Variants in RABGAP1L observed in about 807,000 individuals in gnomAD.
RABGAP1L encodes rab GTPase-activating protein 1-like.
A neutral mutation model predicts 137.7 loss-of-function variants in RABGAP1L; 63 were observed. The observed-to-expected ratio is 0.46, with a 90% CI of 0.37 to 0.56. The LOEUF (loss-of-function observed/expected upper bound fraction) is 0.56. Ranked by LOEUF, RABGAP1L falls within the 20% of genes least tolerant of loss-of-function variation. The pLI is 0.00. For missense variants in RABGAP1L, 1,095 were observed against 1,244.0 expected, an observed-to-expected ratio of 0.88 and a Z score of 1.80; for synonymous variants, 431 against 433.7, an observed-to-expected ratio of 0.99 and a Z score of 0.08.
At position 174,590,123 on chromosome 1, in the gene RABGAP1L, CTTTTTTTTTTTTTTTTTTT is replaced by C. The variant is rs1166364912; in HGVS notation, c.1711-47242_1711-47224del. Among the ~76,000 whole-genome samples the C allele has an allele frequency of 4.7e-3, 284 of 59,822 alleles. 2 individuals carry two copies. The highest frequency in any genetic ancestry group is 0.017 in the African/African-American group (269 of 15,596). 39.2% of individuals were successfully genotyped at this position (59,822 alleles called of 152,430 possible). ...CCATTTTTTGTGACCTCTTCAGTTT[CTTTTTTTTTTTTTTTTTTT>C]TTTTTTTTTGTGAGCCAAATAAACT... On this transcript the variant is annotated intron_variant, in intron 13 of 25. Coordinates refer to ENST00000681986, the MANE Select transcript of RABGAP1L (RefSeq NM_001366446.1).
At chr1:174,455,914 G>A (rs184583211) in intron 13 of RABGAP1L, among the ~76,000 whole-genome samples, 77 of 152,144 alleles carry the variant, frequency 5.1e-4, no homozygotes, top group African/African-American at 1.8e-3. Context: ...AGATCATGTC[G>A]TTTGACAAAG....
intron 13 of RABGAP1L, among the ~76,000 whole-genome samples, chr1:174,627,387 C>G (rs946235124): frequency 6.6e-6 from 1 of 152,156 alleles, no homozygotes; most frequent in Admixed American, 6.5e-5. Context: ...ATTTCTTTCT[C>G]ACAATGAGCA....
intron 21 of RABGAP1L, among the ~76,000 whole-genome samples, chr1:174,970,770 A>G (rs1670063676): frequency 6.6e-6 from 1 of 152,162 alleles, no homozygotes; most frequent in African/African-American, 2.4e-5. Context: ...TGTATATACA[A>G]GGTTGTTTAC....
chr1:174,901,081 A>G (rs1558210153), intron 19 of RABGAP1L, among the ~76,000 whole-genome samples: 1 of 151,810 alleles, frequency 6.6e-6, no homozygotes, highest in South Asian at 2.1e-4. Context: ...TCTTTGGTCT[A>G]TTCTGCTATT....
intron 13 of RABGAP1L, among the ~76,000 whole-genome samples, chr1:174,541,797 C>T (rs114916745): frequency 2.0e-5 from 3 of 151,962 alleles, no homozygotes; most frequent in African/African-American, 4.8e-5. Context: ...AAGTTTTTAG[C>T]GTGAAGGGCT....
At position 174,221,094 on chromosome 1, in the gene RABGAP1L, G is replaced by A. The variant is rs967915710; in HGVS notation, c.261G>A (p.Ser87=). 3.1e-6 allele frequency: 5 copies of A among 1,613,794 alleles called. No individual in the cohort carries two copies. Among genetic ancestry groups the A allele is most frequent in the Non-Finnish European group, 3.4e-6 (4 of 1,179,840 alleles). The change falls in exon 3 of 26, where the codon TCG becomes TCA. Residue 87 remains serine, a synonymous_variant. Transcript: ENST00000681986. ...GTTCCAGTGAGATTTCAGACCATTCGTTTGGAGATATTCCAGCCAGCCAAA... is the reference window on the plus strand; with the variant it reads ...GTTCCAGTGAGATTTCAGACCATTCATTTGGAGATATTCCAGCCAGCCAAA... ...CQSSSEISDH[S]FGDIPASQTN...
chr1:174,247,599 T>G (rs1459785773), intron 5 of RABGAP1L, among the ~76,000 whole-genome samples: 1 of 152,218 alleles, frequency 6.6e-6, no homozygotes, highest in East Asian at 1.9e-4. Flanking sequence ...TCCCAGGGCC[T>G]TCTTGCCCTT....
intron 5 of RABGAP1L, among the ~76,000 whole-genome samples, chr1:174,249,257 A>C (rs1355779661): frequency 6.6e-6 from 1 of 152,306 alleles, no homozygotes; most frequent in South Asian, 2.1e-4. Context: ...TAGCACAACA[A>C]CATTGAGTAA....
intron 10 of RABGAP1L, among the ~76,000 whole-genome samples, chr1:174,280,776 G>A (rs1482686079): frequency 6.6e-6 from 1 of 152,212 alleles, no homozygotes; most frequent in Non-Finnish European, 1.5e-5. Flanking sequence ...AAGTCCTTTT[G>A]TGTCCGGAAT....
At chr1:174,772,113 G>T (rs986135166) in intron 18 of RABGAP1L, among the ~76,000 whole-genome samples, 2 of 152,044 alleles carry the variant, frequency 1.3e-5, no homozygotes, top group African/African-American at 4.8e-5. Flanking sequence ...GCAAAGAATT[G>T]CTTGAAGCCG....
intron 11 of RABGAP1L, among the ~76,000 whole-genome samples, chr1:174,321,469 T>C (rs1209802292): frequency 6.6e-6 from 1 of 152,168 alleles, no homozygotes; most frequent in East Asian, 1.9e-4. Flanking sequence ...CGACATGTGA[T>C]GTCTGCCCCG....
At chr1:174,332,494 C>G (rs1681118107) in intron 11 of RABGAP1L, among the ~76,000 whole-genome samples, 1 of 152,034 alleles carries the variant, frequency 6.6e-6, no homozygotes, top group African/African-American at 2.4e-5. Context: ...CGTCTGGGTT[C>G]AAGCGATTCC....
intron 13 of RABGAP1L, among the ~76,000 whole-genome samples, chr1:174,417,798 A>G (rs924790126): frequency 2.6e-5 from 4 of 152,216 alleles, no homozygotes; most frequent in Non-Finnish European, 5.9e-5. Context: ...ATAATATTAC[A>G]GTTAACATAG....
At chr1:174,794,574 A>C (rs769907150) in intron 18 of RABGAP1L, among the ~76,000 whole-genome samples, 1 of 152,318 alleles carries the variant, frequency 6.6e-6, no homozygotes, top group Non-Finnish European at 1.5e-5. Flanking sequence ...TATTCATGTC[A>C]TACAGCTAGT....
At position 174,991,602 on chromosome 1, in the gene RABGAP1L, G is replaced by GTGAT; in HGVS notation, c.*1604_*1607dup. 6.6e-6 allele frequency: 1 copy of GTGAT among 152,254 alleles called. No homozygotes were observed. The highest frequency in any genetic ancestry group is 2.4e-5 in the African/African-American group (1 of 41,544). The allele number at this position is 152,254 out of a possible 1,614,324, so 9.4% of individuals were successfully genotyped here. On this transcript the variant is annotated 3_prime_UTR_variant, in exon 26 of 26. Coordinates refer to ENST00000681986, the MANE Select transcript of RABGAP1L (RefSeq NM_001366446.1). ...ATTCTCTACAGCCCATAAAACTGAT[G>GTGAT]TGATTGTTATGTTATACTCATCAGA...
intron 13 of RABGAP1L, among the ~76,000 whole-genome samples, chr1:174,553,087 T>G (rs192871669): frequency 6.6e-6 from 1 of 152,334 alleles, no homozygotes. Context: ...TGTTTTTTTC[T>G]TATAAATTTG....
chr1:174,184,742 G>A (rs1463118622), intron 1 of RABGAP1L, among the ~76,000 whole-genome samples: 1 of 152,182 alleles, frequency 6.6e-6, no homozygotes, highest in African/African-American at 2.4e-5. Context: ...AATGAAGTCT[G>A]TGGTAGCTGT....
At chr1:174,732,037 T>A (rs1316843029) in intron 17 of RABGAP1L, among the ~76,000 whole-genome samples, 2 of 152,036 alleles carry the variant, frequency 1.3e-5, no homozygotes, top group Non-Finnish European at 2.9e-5. Context: ...CCTGTGTCTA[T>A]TAAAAGTACA....
At chr1:174,179,102 G>T (rs1462264517) in intron 1 of RABGAP1L, among the ~76,000 whole-genome samples, 1 of 152,078 alleles carries the variant, frequency 6.6e-6, no homozygotes, top group Non-Finnish European at 1.5e-5. Flanking sequence ...AAGAGACAGG[G>T]TCTTGCTGTG....
Sources: allele counts gnomAD v4.1 joint callset (sites outside exome capture counted in the v4.1 genomes callset), GRCh38; gene constraint gnomAD v4.1.1; transcripts MANE v1.5; gene names NCBI Gene and HGNC (gene_info 2026-07-23, HGNC 2026-07-21).